CHST12: variants seen among roughly 807,000 people sequenced by gnomAD.
CHST12 encodes the protein carbohydrate sulfotransferase 12.
A neutral mutation model predicts 27.9 loss-of-function variants in CHST12; 23 were observed. The observed-to-expected ratio is 0.82, with a 90% confidence interval of 0.59 to 1.17. The LOEUF is 1.17. CHST12 is among the 50% of genes most tolerant of loss of function. The probability of loss-of-function intolerance (pLI) is 0.00; values close to 1 mark genes in which losing one functional copy is unlikely to be tolerated. For synonymous variants in CHST12, 322 were observed against 273.0 expected, an observed-to-expected ratio of 1.18 and a Z score of -1.77; for missense variants, 682 against 603.0, an observed-to-expected ratio of 1.13 and a Z score of -1.37.
intron 1 of CHST12, among the ~76,000 whole-genome samples, chr7:2,423,338 A>G (rs995561340): frequency 6.6e-6 from 1 of 152,108 alleles, no homozygotes; most frequent in Admixed American, 6.6e-5. Context: ...TTCAGAGGGT[A>G]TTGAAAGCTG....
chr7:2,418,003 A>G (rs760075357), intron 1 of CHST12, among the ~76,000 whole-genome samples: 24 of 152,264 alleles, frequency 1.6e-4, no homozygotes, highest in Non-Finnish European at 2.6e-4. Flanking sequence ...CTTCCAGAGC[A>G]GGATGGCTGT....
At chr7:2,403,511 G>A, upstream of CHST12, 1 of 151,758 alleles carries the variant, frequency 6.6e-6, no homozygotes. Flanking sequence ...GGCCTCCGTG[G>A]CCCCTCCGGC....
chr7:2,429,389 A>G (rs1240337384), intron 1 of CHST12, among the ~76,000 whole-genome samples: 1 of 151,526 alleles, frequency 6.6e-6, no homozygotes, highest in African/African-American at 2.4e-5. Flanking sequence ...TTTTTTTTGT[A>G]CTTATTTTCA....
In CHST12 at chr7:2,433,971, G is replaced by T; in HGVS notation, c.*87G>T. 2 of 1,176,438 alleles carry T rather than the reference G, an allele frequency of 1.7e-6. No individual in the cohort carries two copies. Among genetic ancestry groups the T allele is most frequent in the Non-Finnish European group, 2.4e-6 (2 of 827,342 alleles). 72.9% of individuals were successfully genotyped at this position (1,176,438 alleles called of 1,614,324 possible). A position where few individuals can be genotyped will look rare whatever the true frequency, so the allele number is the denominator to read the frequency against. The stretch of plus-strand genomic sequence containing the variant: ...TTATGACCTACGATTTTGCAATCTG[G>T]GCTTCTTGTTCACTCCACTGCCTCT... On this transcript the variant is annotated 3_prime_UTR_variant, in exon 2 of 2. Coordinates refer to ENST00000618655, the MANE Select transcript of CHST12 (RefSeq NM_018641.5). The surrounding 1 kb of genome is among the most constrained non-coding windows in gnomAD (Gnocchi z 6.1).
intron 1 of CHST12, among the ~76,000 whole-genome samples, chr7:2,406,703 A>C (rs1562507344): frequency 6.6e-6 from 1 of 152,206 alleles, no homozygotes; most frequent in Non-Finnish European, 1.5e-5. Context: ...GGAGGTCCCC[A>C]GTCAGCAGAC....
At chr7:2,428,278 T>G (rs1782185526) in intron 1 of CHST12, among the ~76,000 whole-genome samples, 1 of 150,520 alleles carries the variant, frequency 6.6e-6, no homozygotes, top group Admixed American at 6.7e-5. Flanking sequence ...CACTGCAAGC[T>G]CTGCCTCTCG....
At chr7:2,414,636 A>G (rs1781758195) in intron 1 of CHST12, among the ~76,000 whole-genome samples, 1 of 152,204 alleles carries the variant, frequency 6.6e-6, no homozygotes, top group Non-Finnish European at 1.5e-5. Flanking sequence ...AAATTTTGAT[A>G]AAGTCCAATT....
intron 1 of CHST12, among the ~76,000 whole-genome samples, chr7:2,413,395 A>C (rs902622453): frequency 2.0e-5 from 3 of 152,260 alleles, no homozygotes; most frequent in African/African-American, 7.2e-5. Flanking sequence ...AAATGTATTG[A>C]GTATGATTTA....
At position 2,433,552 on chromosome 7, in the gene CHST12, C is replaced by G; in HGVS notation, c.913C>G (p.Gln305Glu). ...CAAGGTGTCCTTCGCCAACTTCATC[C>G]AGTACCTGCTGGACCCGCACACGGA... ...GLKVSFANFI[Q>E]YLLDPHTEKL... The change falls in exon 2 of 2, where the codon CAG (glutamine) becomes GAG (glutamate). Residue 305 changes from glutamine to glutamate, a missense_variant. Transcript: ENST00000618655. This position sits in a 1 kb window ranked among gnomAD's most constrained non-coding sequence, Gnocchi z 6.1. 6.2e-7 allele frequency: 1 copy of G among 1,613,442 alleles called. No individual in the cohort carries two copies. The highest frequency in any genetic ancestry group is 1.7e-5 in the Admixed American group (1 of 60,030).
chr7:2,444,092 G>T lies in CHST12; in HGVS notation c.*10208G>T, dbSNP rs1380601363. ...GAGGTCAGGAGATCGAGACCATCCC[G>T]GCTAAAACGGTGAAACCCCGTCTCT... is the stretch of plus-strand genomic sequence containing the variant. On this transcript the variant is annotated 3_prime_UTR_variant, in exon 2 of 2. Transcript: ENST00000618655. The T allele has an allele frequency of 6.6e-6, 1 of 151,444 alleles. No individual in the cohort carries two copies. Among genetic ancestry groups the T allele is most frequent in the Middle Eastern group, 3.4e-3 (1 of 294 alleles). The allele number at this position is 151,444 out of a possible 1,614,324, so 9.4% of individuals were successfully genotyped here.
chr7:2,423,653 C>T (rs1310357753), intron 1 of CHST12, among the ~76,000 whole-genome samples: 2 of 152,198 alleles, frequency 1.3e-5, no homozygotes, highest in African/African-American at 4.8e-5. Context: ...GTCCAGGAAG[C>T]ACTGAGTGAA....
At position 2,433,230 on chromosome 7, in the gene CHST12, C is replaced by A. The variant is rs761289366; in HGVS notation, c.591C>A (p.Arg197=). 3 of 1,612,064 alleles carry A rather than the reference C, an allele frequency of 1.9e-6. No homozygotes were observed. The highest frequency in any genetic ancestry group is 2.5e-6 in the Non-Finnish European group (3 of 1,179,138). Residue 197 remains arginine, a synonymous_variant, in exon 2 of 2, where the codon CGC becomes CGA. Coordinates refer to ENST00000618655, the MANE Select transcript of CHST12 (RefSeq NM_018641.5). The surrounding 1 kb of genome is among the most constrained non-coding windows in gnomAD (Gnocchi z 6.1). ...GSLLHRGAPY[R]DPLRIPREHV... The stretch of plus-strand genomic sequence containing the variant: ...TGCTGCACCGCGGTGCGCCCTACCG[C>A]GACCCGCTGCGCATCCCGCGCGAGC...
intron 1 of CHST12, among the ~76,000 whole-genome samples, chr7:2,417,430 C>A (rs1188382337): frequency 2.8e-5 from 4 of 143,802 alleles, no homozygotes; most frequent in African/African-American, 1.0e-4. Context: ...CACAGTGTTG[C>A]CCAGGCTGGA....
chr7:2,403,809 G>T (rs980619849), intron 1 of CHST12, 136 bp downstream of exon 1: 1 of 152,636 alleles, frequency 6.6e-6, no homozygotes. Context: ...CTGGCCTGGC[G>T]GGCGCGGCTT....
At chr7:2,425,955 G>C (rs938943381) in intron 1 of CHST12, among the ~76,000 whole-genome samples, 1 of 152,136 alleles carries the variant, frequency 6.6e-6, no homozygotes, top group Non-Finnish European at 1.5e-5. Flanking sequence ...TAGACGCTCT[G>C]GGGGAAGGGC....
intron 1 of CHST12, among the ~76,000 whole-genome samples, chr7:2,412,348 A>C (rs1781688765): frequency 6.6e-6 from 1 of 152,216 alleles, no homozygotes. Flanking sequence ...GAGAGCAAAT[A>C]TTGACACCAG....
Position 2,434,600 on chromosome 7 carries a change from A to AAAAAAAAC in CHST12, c.*723_*724insCAAAAAAA, listed in dbSNP as rs1562522615. The AAAAAAAAC allele has an allele frequency of 1.4e-4, 22 of 152,898 alleles. No homozygotes were observed. The highest frequency in any genetic ancestry group is 5.7e-4 in the African/African-American group (22 of 38,368). The allele number at this position is 152,898 out of a possible 1,614,324, so 9.5% of individuals were successfully genotyped here. On this transcript the variant is annotated 3_prime_UTR_variant, in exon 2 of 2. Transcript: ENST00000618655. ...CTACTAAAAAAAAAAAAAAAAAAAA[A>AAAAAAAAC]AAAAAAAAAAAAAAAATGAGTCGGG...
chr7:2,419,836 C>G (rs1170460660), intron 1 of CHST12, among the ~76,000 whole-genome samples: 5 of 152,120 alleles, frequency 3.3e-5, no homozygotes, highest in Admixed American at 1.3e-4. Context: ...TCTTGTAAAA[C>G]TAAAGCTCTG....
At position 2,415,073 on chromosome 7, in the gene CHST12, A is replaced by G. The variant is rs1781769112; in HGVS notation, c.-78+11400A>G. On this transcript the variant is annotated intron_variant, in intron 1 of 1. Transcript: ENST00000618655. ...TTTTTGCGTTTCCCAGTGCATATAA[A>G]AGTTATATTTGGCCAGGTGTGGTGG... Among the ~76,000 whole-genome samples, 4 of 152,178 alleles carry G rather than the reference A, an allele frequency of 2.6e-5. No individual in the cohort carries two copies. In the South Asian group the frequency reaches 8.3e-4, roughly 31 times the overall value.
Sources: gnomAD v4.1 joint callset for allele counts (sites outside exome capture counted in the v4.1 genomes callset) on GRCh38, gnomAD v4.1.1 for gene constraint, Gnocchi (gnomAD v3.1) non-coding constraint, MANE v1.5 for transcripts, NCBI Gene and HGNC (gene_info 2026-07-23, HGNC 2026-07-21) for gene names.